Variants in FSTL4 observed in about 807,000 individuals in gnomAD.
FSTL4 encodes the protein follistatin like 4, also known as follistatin-related protein 4.
In FSTL4, 28 loss-of-function variants were observed where a neutral mutation model predicts 78.2. The ratio of observed to expected loss-of-function variants is 0.36; its 90% CI spans 0.27 to 0.49. The LOEUF is 0.49. Among genes scored for constraint, FSTL4 ranks in the 20% least tolerant of loss-of-function variants. The pLI is 0.98. For synonymous variants in FSTL4, 422 were observed against 440.5 expected (o/e 0.96, Z 0.53); for missense variants, 922 against 1,084.9 (o/e 0.85, Z 2.11).
chr5:133,329,555 C>T (rs896080412), intron 4 of FSTL4, among the ~76,000 whole-genome samples: 3 of 152,074 alleles, frequency 2.0e-5, no homozygotes, highest in Admixed American at 1.3e-4. Flanking sequence ...GTCTGATGCT[C>T]GAGGGCAGGA....
chr5:133,815,608 G>A, the FSTL4 span, among the ~76,000 whole-genome samples: 5 of 152,308 alleles, frequency 3.3e-5, no homozygotes, highest in African/African-American at 1.2e-4. Flanking sequence ...TTACCTGGGG[G>A]AATCTGGTTT....
chr5:133,685,307 C>T, the FSTL4 span, among the ~76,000 whole-genome samples: 12 of 152,234 alleles, frequency 7.9e-5, no homozygotes, highest in East Asian at 9.7e-4. Context: ...AAGGTTTGTG[C>T]GCTTTGAATA....
chr5:133,247,579 A>G (rs369553292), intron 7 of FSTL4: 7 of 152,292 alleles, frequency 4.6e-5, no homozygotes, highest in African/African-American at 1.7e-4. Context: ...ACTCACAAAC[A>G]TGCACCCCAA....
the FSTL4 span, among the ~76,000 whole-genome samples, chr5:133,679,488 T>G: frequency 6.6e-6 from 1 of 152,044 alleles, no homozygotes; most frequent in Non-Finnish European, 1.5e-5. Context: ...CTTGGACCAT[T>G]TCCTAGGAAC....
At chr5:133,719,465 T>A in the FSTL4 span, among the ~76,000 whole-genome samples, 7 of 151,446 alleles carry the variant, frequency 4.6e-5, no homozygotes, top group African/African-American at 1.7e-4. Flanking sequence ...AGGTCGGGAG[T>A]TCGAAACCAG....
intron 3 of FSTL4, among the ~76,000 whole-genome samples, chr5:133,498,915 A>G (rs1218869030): frequency 6.6e-6 from 1 of 152,076 alleles, no homozygotes; most frequent in Non-Finnish European, 1.5e-5. Context: ...GTAGGAACAG[A>G]CACAGACCCT....
In FSTL4 at chr5:133,210,279, A is replaced by G; in HGVS notation, c.1628T>C (p.Leu543Pro). 1 of 1,607,712 alleles carries G rather than the reference A, an allele frequency of 6.2e-7. No individual in the cohort carries two copies. Among genetic ancestry groups the G allele is most frequent in the Non-Finnish European group, 8.5e-7 (1 of 1,174,298 alleles). Reference protein sequence around the residue: ...KVLQSIGVDPLPAKLSYDKSH... With the variant: ...KVLQSIGVDPPPAKLSYDKSH... ...CTTGTCATAGGACAGCTTAGCCGGC[A>G]GAGGGTCCACACCTATGGACTTGAA... Residue 543 changes from leucine to proline, a missense_variant, in exon 14 of 16, where the codon CTG becomes CCG. Transcript: ENST00000265342.
chr5:133,453,751 A>C (rs1159855823), intron 3 of FSTL4, among the ~76,000 whole-genome samples: 1 of 152,238 alleles, frequency 6.6e-6, no homozygotes, highest in South Asian at 2.1e-4. Context: ...TTGGTGTCCA[A>C]TAAGGACTCT....
the FSTL4 span, among the ~76,000 whole-genome samples, chr5:133,726,665 A>G: frequency 1.3e-5 from 2 of 152,178 alleles, no homozygotes; most frequent in African/African-American, 4.8e-5. Context: ...GATAGATTCA[A>G]GGGGGGCTGG....
chr5:133,343,555 C>T (rs17166617), intron 4 of FSTL4, among the ~76,000 whole-genome samples: 6,549 of 152,266 alleles, frequency 0.043, 375 homozygotes, highest in African/African-American at 0.13. Context: ...CAGAAATACA[C>T]GTTTTGGTCA....
upstream of FSTL4, chr5:133,612,701 G>A (rs1410332900): frequency 6.6e-6 from 1 of 151,930 alleles, no homozygotes; most frequent in Admixed American, 6.6e-5. This position sits in a 1 kb window ranked among gnomAD's most constrained non-coding sequence, Gnocchi z 6.2. Context: ...GATGACTCCG[G>A]AGCGCTGGGG....
chr5:133,317,327 G>A (rs1554104666), intron 4 of FSTL4, among the ~76,000 whole-genome samples: 2 of 152,248 alleles, frequency 1.3e-5, no homozygotes, highest in Non-Finnish European at 2.9e-5. Context: ...ATTGCAGCAT[G>A]GCACAGTTTA....
At chr5:133,294,823 T>C (rs902678239) in intron 6 of FSTL4, among the ~76,000 whole-genome samples, 1 of 152,184 alleles carries the variant, frequency 6.6e-6, no homozygotes, top group African/African-American at 2.4e-5. Flanking sequence ...CCTGTGGTGA[T>C]GTTGCTTCCT....
rs149834152 is a variant in FSTL4, at chr5:133,463,107, C to T, written c.161-62121G>A. Among the ~76,000 whole-genome samples the T allele has an allele frequency of 2.0e-5, 3 of 152,304 alleles. No homozygotes were observed. The East Asian group carries it at 5.8e-4, about 29-fold the overall frequency. On this transcript the variant is annotated intron_variant, in intron 3 of 15. Transcript: ENST00000265342. Reference sequence around the variant, plus strand: ...AGCACCAGCAAGCAATCACGGCAGGCCCAAGGCCACGCCAGCATCCTTAGT... The same window carrying T: ...AGCACCAGCAAGCAATCACGGCAGGTCCAAGGCCACGCCAGCATCCTTAGT...
intron 4 of FSTL4, among the ~76,000 whole-genome samples, chr5:133,357,318 C>T (rs755056707): frequency 1.3e-5 from 2 of 152,192 alleles, no homozygotes; most frequent in Admixed American, 6.5e-5. Context: ...TCTCCTCCTC[C>T]AGACTGGAAG....
At chr5:133,668,586 T>G in the FSTL4 span, among the ~76,000 whole-genome samples, 1 of 152,148 alleles carries the variant, frequency 6.6e-6, no homozygotes, top group Non-Finnish European at 1.5e-5. Flanking sequence ...CAGGCCTGAG[T>G]GGCCAGCCTT....
intron 2 of FSTL4, among the ~76,000 whole-genome samples, chr5:133,578,980 T>C (rs942311840): frequency 2.6e-5 from 4 of 152,174 alleles, no homozygotes; most frequent in Admixed American, 2.6e-4. Context: ...AATCACCACG[T>C]CCAAGACCAT....
the FSTL4 span, among the ~76,000 whole-genome samples, chr5:133,681,904 G>A: frequency 1.3e-3 from 205 of 152,274 alleles, 2 homozygotes; most frequent in African/African-American, 4.5e-3. Context: ...AATGAGACCC[G>A]GAGGATGCAA....
At chr5:133,316,708 C>A in intron 4 of FSTL4, 56 bp from the exon 5 acceptor site, 2 of 1,437,226 alleles carry the variant, frequency 1.4e-6, no homozygotes, top group African/African-American at 1.4e-5. Flanking sequence ...CTTGAGAGAA[C>A]ATTCTTGCCG....
Sources: allele counts gnomAD v4.1 joint callset (sites outside exome capture counted in the v4.1 genomes callset), GRCh38; gene constraint gnomAD v4.1.1; non-coding constraint Gnocchi (gnomAD v3.1); transcripts MANE v1.5; gene names NCBI Gene and HGNC (gene_info 2026-07-23, HGNC 2026-07-21).